Variants in ATRNL1 observed in about 807,000 individuals in gnomAD.
ATRNL1 encodes the protein attractin like 1.
ATRNL1 carries 95 observed loss-of-function variants against 182.7 expected under a neutral mutation model. The observed-to-expected ratio is 0.52, with a 90% CI of 0.44 to 0.62. The LOEUF is 0.62. ATRNL1 is among the 20% of genes least tolerant of loss of function. The probability of loss-of-function intolerance (pLI) is 0.00; values close to 1 mark genes in which losing one functional copy is unlikely to be tolerated. For missense variants in ATRNL1, 1,471 were observed against 1,679.5 expected (o/e 0.88, Z 2.17); for synonymous variants, 576 against 568.3 (o/e 1.01, Z -0.19).
intron 10 of ATRNL1, among the ~76,000 whole-genome samples, chr10:115,264,420 A>G (rs1247047246): frequency 1.3e-5 from 2 of 151,672 alleles, no homozygotes; most frequent in Non-Finnish European, 3.0e-5. Flanking sequence ...ATATGCTTTC[A>G]TGAAATACCA....
intron 27 of ATRNL1, among the ~76,000 whole-genome samples, chr10:115,842,560 A>G (rs555392250): frequency 3.1e-4 from 47 of 152,100 alleles, no homozygotes; most frequent in Non-Finnish European, 6.2e-4. Flanking sequence ...CAAGCCCAGG[A>G]TCACACAGCT....
At chr10:115,734,901 C>CA (rs1387407255) in intron 27 of ATRNL1, among the ~76,000 whole-genome samples, 1 of 152,176 alleles carries the variant, frequency 6.6e-6, no homozygotes, top group African/African-American at 2.4e-5. Flanking sequence ...TTTTAACAGG[C>CA]ATAGTTTAAG....
chr10:115,550,694 TAGGC>T (rs1252254870), intron 26 of ATRNL1, among the ~76,000 whole-genome samples: 1 of 151,818 alleles, frequency 6.6e-6, no homozygotes, highest in Non-Finnish European at 1.5e-5. Context: ...ATATAACTAT[TAGGC>T]AGGAAGTGGA....
At chr10:115,637,680 A>G (rs1340787840) in intron 26 of ATRNL1, among the ~76,000 whole-genome samples, 2 of 150,612 alleles carry the variant, frequency 1.3e-5, no homozygotes, top group Non-Finnish European at 3.0e-5. Context: ...GCTGGAGTGC[A>G]GTGGTGCAAT....
At chr10:115,889,886 A>G (rs1164915919) in intron 28 of ATRNL1, among the ~76,000 whole-genome samples, 4 of 152,230 alleles carry the variant, frequency 2.6e-5, no homozygotes, top group African/African-American at 9.6e-5. Flanking sequence ...ACAGTAGCCA[A>G]ATTCCAAGGA....
At chr10:115,594,450 G>T (rs1391606363) in intron 26 of ATRNL1, among the ~76,000 whole-genome samples, 2 of 152,118 alleles carry the variant, frequency 1.3e-5, no homozygotes, top group Non-Finnish European at 2.9e-5. Context: ...GTCTTAATTT[G>T]CATATCCTAA....
At chr10:115,839,673 A>ACTAC (rs1950758688) in intron 27 of ATRNL1, among the ~76,000 whole-genome samples, 1 of 152,088 alleles carries the variant, frequency 6.6e-6, no homozygotes, top group African/African-American at 2.4e-5. Flanking sequence ...TCCCTCCGTT[A>ACTAC]CTACCCCCAG....
chr10:115,359,032 C>T (rs1253345854), intron 19 of ATRNL1, among the ~76,000 whole-genome samples: 1 of 151,574 alleles, frequency 6.6e-6, no homozygotes, highest in African/African-American at 2.4e-5. Flanking sequence ...TGTTATGTCC[C>T]TGCCTTTGAA....
At chr10:115,935,134 A>T (rs937135474) in intron 28 of ATRNL1, among the ~76,000 whole-genome samples, 1 of 152,280 alleles carries the variant, frequency 6.6e-6, no homozygotes, top group South Asian at 2.1e-4. Flanking sequence ...TGGCATCTGC[A>T]CAATTGTTAG....
intron 26 of ATRNL1, among the ~76,000 whole-genome samples, chr10:115,564,535 G>T (rs1382731800): frequency 3.3e-5 from 5 of 151,862 alleles, no homozygotes; most frequent in Non-Finnish European, 5.9e-5. Flanking sequence ...TAATGGAAGA[G>T]ATTTTTAGAA....
At chr10:115,363,923 CT>C (rs1490980784) in intron 19 of ATRNL1, among the ~76,000 whole-genome samples, 3 of 151,516 alleles carry the variant, frequency 2.0e-5, no homozygotes, top group Non-Finnish European at 2.9e-5. Flanking sequence ...TTACTGTAGC[CT>C]TGTAGTATAG....
intron 28 of ATRNL1, among the ~76,000 whole-genome samples, chr10:115,902,554 A>T (rs1555113733): frequency 6.6e-6 from 1 of 152,088 alleles, no homozygotes. Flanking sequence ...ATGAGTGGAG[A>T]CCTCATATTA....
At chr10:115,463,274 C>T (rs1034736572) in intron 22 of ATRNL1, among the ~76,000 whole-genome samples, 5 of 151,856 alleles carry the variant, frequency 3.3e-5, no homozygotes, top group African/African-American at 1.2e-4. Flanking sequence ...GTTCATTTTA[C>T]ATTTTATGTT....
At chr10:115,196,291 C>T (rs1848358144) in intron 8 of ATRNL1, among the ~76,000 whole-genome samples, 1 of 152,136 alleles carries the variant, frequency 6.6e-6, no homozygotes, top group South Asian at 2.1e-4. Context: ...GTACTCTATT[C>T]TGGTCCATTG....
intron 28 of ATRNL1, among the ~76,000 whole-genome samples, chr10:115,925,535 C>A (rs1281632961): frequency 6.6e-6 from 1 of 151,540 alleles, no homozygotes; most frequent in Non-Finnish European, 1.5e-5. Context: ...CAAAGACACA[C>A]ATAGGCTCAA....
intron 27 of ATRNL1, among the ~76,000 whole-genome samples, chr10:115,804,111 G>A (rs369170872): frequency 6.6e-6 from 1 of 152,136 alleles, no homozygotes; most frequent in East Asian, 1.9e-4. Flanking sequence ...TCCATTTAGA[G>A]AGGTTAAATA....
intron 21 of ATRNL1, among the ~76,000 whole-genome samples, chr10:115,431,603 T>A (rs1376604774): frequency 6.6e-6 from 1 of 152,086 alleles, no homozygotes; most frequent in African/African-American, 2.4e-5. Context: ...CTTTTATGTA[T>A]GTATTTATTT....
At chr10:115,738,919 T>C (rs1948060056) in intron 27 of ATRNL1, among the ~76,000 whole-genome samples, 2 of 152,226 alleles carry the variant, frequency 1.3e-5, no homozygotes, top group African/African-American at 2.4e-5. Flanking sequence ...ATTACTGCTA[T>C]CATCTTTCAT....
chr10:115,134,845 G>C (rs912513177), intron 5 of ATRNL1, among the ~76,000 whole-genome samples: 2 of 152,150 alleles, frequency 1.3e-5, no homozygotes, highest in African/African-American at 2.4e-5. Context: ...CCATGATCAA[G>C]TGGGCTTCAT....
Sources: allele counts gnomAD v4.1 joint callset (sites outside exome capture counted in the v4.1 genomes callset), GRCh38; gene constraint gnomAD v4.1.1; transcripts MANE v1.5; gene names NCBI Gene and HGNC (gene_info 2026-07-23, HGNC 2026-07-21).